Variants in ERCC8 observed in about 807,000 individuals in gnomAD.
The protein encoded by ERCC8 is ERCC excision repair 8, CSA ubiquitin ligase complex subunit.
Under a neutral mutation model 54.9 loss-of-function variants are expected in ERCC8, and 52 were observed. That is an observed-to-expected ratio of 0.95 (90% CI 0.76 to 1.19). The LOEUF (loss-of-function observed/expected upper bound fraction) is 1.19. Ranked by LOEUF, ERCC8 falls within the 50% of genes most tolerant of loss-of-function variation. The pLI is 0.00. For synonymous variants in ERCC8, 146 were observed against 157.2 expected (o/e 0.93, Z 0.53); for missense variants, 514 against 466.1 (o/e 1.10, Z -0.95).
rs180745652 is a variant in ERCC8, at chr5:60,869,217, C to T, written c.*5398G>A. On this transcript the variant is annotated 3_prime_UTR_variant, in exon 12 of 12. Coordinates refer to ENST00000676185, the MANE Select transcript of ERCC8 (RefSeq NM_000082.4). Reference sequence around the variant, plus strand: ...AATAACAAAGTATTAGTATATTACTCAACAGTAATGAAATATTTCTGAATG... The same window carrying T: ...AATAACAAAGTATTAGTATATTACTTAACAGTAATGAAATATTTCTGAATG... 3.4e-4 allele frequency among the ~76,000 whole-genome samples: 51 copies of T among 152,228 alleles called. No individual in the cohort carries two copies. The highest frequency in any genetic ancestry group is 5.3e-4 in the Non-Finnish European group (36 of 68,004).
chr5:60,918,044 G>T (rs1183651844), intron 4 of ERCC8: 4 of 519,892 alleles, frequency 7.7e-6, no homozygotes, highest in Non-Finnish European at 1.4e-5. Flanking sequence ...CCCATTTACA[G>T]ATGAGAAAGA....
intron 4 of ERCC8, 39 bp from the exon 5 acceptor site, chr5:60,904,912 G>A: frequency 2.9e-6 from 3 of 1,018,552 alleles, no homozygotes; most frequent in Non-Finnish European, 3.1e-6. Flanking sequence ...TAAGGTTTAA[G>A]TATAAAAACA....
chr5:60,884,779 T>C (rs1469847982), intron 11 of ERCC8, among the ~76,000 whole-genome samples: 2 of 152,048 alleles, frequency 1.3e-5, no homozygotes, highest in Non-Finnish European at 2.9e-5. Context: ...CACATACCAT[T>C]TTATATTAAT....
chr5:60,887,660 CTG>C (rs1010840067), intron 10 of ERCC8, 140 bp from the exon 11 acceptor site: 2 of 686,200 alleles, frequency 2.9e-6, no homozygotes, highest in African/African-American at 3.6e-5. Flanking sequence ...TAGGCCAATG[CTG>C]TTTTTCCTTT....
At position 60,872,493 on chromosome 5, in the gene ERCC8, T is replaced by C. The variant is rs1747883497; in HGVS notation, c.*2122A>G. Reference sequence around the variant, plus strand: ...ATGGGCAAAGAACCTGAAAAGACAGTTCTCAAAAGAAGACATGCAAATGGC... The same window carrying C: ...ATGGGCAAAGAACCTGAAAAGACAGCTCTCAAAAGAAGACATGCAAATGGC... On this transcript the variant is annotated 3_prime_UTR_variant, in exon 12 of 12. Coordinates refer to ENST00000676185, the MANE Select transcript of ERCC8 (RefSeq NM_000082.4). 6.6e-6 allele frequency among the ~76,000 whole-genome samples: 1 copy of C among 151,956 alleles called. No homozygotes were observed. Among genetic ancestry groups the C allele is most frequent in the African/African-American group, 2.4e-5 (1 of 41,352 alleles).
At position 60,871,236 on chromosome 5, in the gene ERCC8, T is replaced by A. The variant is rs945024217; in HGVS notation, c.*3379A>T. 6.6e-6 allele frequency among the ~76,000 whole-genome samples: 1 copy of A among 152,198 alleles called. No homozygotes were observed. The highest frequency in any genetic ancestry group is 2.4e-5 in the African/African-American group (1 of 41,442). On this transcript the variant is annotated 3_prime_UTR_variant, in exon 12 of 12. Coordinates refer to ENST00000676185, the MANE Select transcript of ERCC8 (RefSeq NM_000082.4). ...ATGTAGCCTTGAACAGGGGACCAGC[T>A]GAAAACAACTGGGGGACATTCACAA...
At chr5:60,942,064 T>C (rs1471004760) in intron 1 of ERCC8, among the ~76,000 whole-genome samples, 2 of 152,202 alleles carry the variant, frequency 1.3e-5, no homozygotes, top group Non-Finnish European at 2.9e-5. Context: ...AAAGTAAGTA[T>C]TTTATAATTC....
At chr5:60,921,118 G>A (rs1749588036) in intron 3 of ERCC8, among the ~76,000 whole-genome samples, 1 of 151,786 alleles carries the variant, frequency 6.6e-6, no homozygotes, top group South Asian at 2.1e-4. Context: ...TCATAGAAAC[G>A]TATAAGAACC....
At chr5:60,933,311 C>A (rs1200599757) in intron 1 of ERCC8, among the ~76,000 whole-genome samples, 1 of 148,886 alleles carries the variant, frequency 6.7e-6, no homozygotes, top group African/African-American at 2.5e-5. Context: ...CTCCAACTCC[C>A]AGGTTCAAGT....
At chr5:60,896,369 A>G (rs756937549) in intron 9 of ERCC8, among the ~76,000 whole-genome samples, 4 of 150,778 alleles carry the variant, frequency 2.7e-5, no homozygotes, top group Non-Finnish European at 5.9e-5. Flanking sequence ...GGTGCCCACC[A>G]CTGGCTAATT....
rs554878587 is a variant in ERCC8, at chr5:60,867,051, T to C, written c.*7564A>G. On this transcript the variant is annotated 3_prime_UTR_variant, in exon 12 of 12. Transcript: ENST00000676185. ...CGGGGTTTCACCATGTTAGCCAGGA[T>C]GGTCTCGATCTCCTGACCTCGTGAT... 2 of 152,064 alleles carry C rather than the reference T, an allele frequency of 1.3e-5. No individual in the cohort carries two copies. The highest frequency in any genetic ancestry group is 2.9e-5 in the Non-Finnish European group (2 of 68,032). 9.4% of individuals were successfully genotyped at this position (152,064 alleles called of 1,614,324 possible).
At chr5:60,941,053 C>T (rs936483910) in intron 1 of ERCC8, among the ~76,000 whole-genome samples, 7 of 152,106 alleles carry the variant, frequency 4.6e-5, no homozygotes, top group Non-Finnish European at 1.0e-4. Context: ...GTGGCCCGAG[C>T]CTGTAATCCC....
chr5:60,878,165 G>A (rs1579981924), intron 11 of ERCC8, among the ~76,000 whole-genome samples: 1 of 152,246 alleles, frequency 6.6e-6, no homozygotes, highest in South Asian at 2.1e-4. Flanking sequence ...TTATATGCTC[G>A]ATTACGTTTA....
At chr5:60,913,550 G>A (rs1469176667) in intron 4 of ERCC8, among the ~76,000 whole-genome samples, 1 of 151,992 alleles carries the variant, frequency 6.6e-6, no homozygotes, top group Non-Finnish European at 1.5e-5. Flanking sequence ...CCTGCTCCTG[G>A]ATTCATTGAT....
At chr5:60,898,935 TG>T (rs1325636561) in intron 8 of ERCC8, among the ~76,000 whole-genome samples, 1 of 151,382 alleles carries the variant, frequency 6.6e-6, no homozygotes. Context: ...ATAGTTTACA[TG>T]TTTCATAAGG....
intron 10 of ERCC8, among the ~76,000 whole-genome samples, chr5:60,889,264 T>C (rs1362578702): frequency 6.6e-6 from 1 of 152,216 alleles, no homozygotes; most frequent in Admixed American, 6.5e-5. Flanking sequence ...TATGTTGAGA[T>C]TATATAAATA....
intron 1 of ERCC8, among the ~76,000 whole-genome samples, chr5:60,933,213 TTTC>T: frequency 8.2e-6 from 1 of 122,642 alleles, no homozygotes; most frequent in Non-Finnish European, 1.6e-5. Flanking sequence ...TTTCCTTTTT[TTTC>T]TTTTTTTTTT....
chr5:60,873,441 G>C lies in ERCC8; in HGVS notation c.*1174C>G, dbSNP rs547479737. On this transcript the variant is annotated 3_prime_UTR_variant, in exon 12 of 12. Coordinates refer to ENST00000676185, the MANE Select transcript of ERCC8 (RefSeq NM_000082.4). Reference sequence around the variant, plus strand: ...TATAATTCCAGCACTTTGAGAGGCCGAGGCGGGTGGATCATTTGAGGTCAG... The same window carrying C: ...TATAATTCCAGCACTTTGAGAGGCCCAGGCGGGTGGATCATTTGAGGTCAG... Among the ~76,000 whole-genome samples, 1 of 152,292 alleles carries C rather than the reference G, an allele frequency of 6.6e-6. No individual in the cohort carries two copies. Among genetic ancestry groups the C allele is most frequent in the South Asian group, 2.1e-4 (1 of 4,820 alleles).
intron 1 of ERCC8, among the ~76,000 whole-genome samples, chr5:60,929,758 TG>T (rs1749853904): frequency 6.6e-6 from 1 of 152,234 alleles, no homozygotes; most frequent in African/African-American, 2.4e-5. Context: ...TAAGATTAAA[TG>T]AGTTTGTATA....
Sources: gnomAD v4.1 joint callset for allele counts (sites outside exome capture counted in the v4.1 genomes callset) on GRCh38, gnomAD v4.1.1 for gene constraint, MANE v1.5 for transcripts, NCBI Gene and HGNC (gene_info 2026-07-23, HGNC 2026-07-21) for gene names.